TMEM116: variants seen among roughly 807,000 people sequenced by gnomAD.
TMEM116 encodes transmembrane protein 116.
Under a neutral mutation model 44.3 loss-of-function variants are expected in TMEM116, and 38 were observed. The observed-to-expected ratio is 0.86, with a 90% CI of 0.66 to 1.12. TMEM116 has a LOEUF of 1.12. Among genes scored for constraint, TMEM116 ranks in the 50% most tolerant of loss-of-function variants. TMEM116 has a pLI of 0.00. For missense variants in TMEM116, 354 were observed against 401.7 expected (o/e 0.88, Z 1.01); for synonymous variants, 132 against 144.8 (o/e 0.91, Z 0.64).
intron 4 of TMEM116, chr12:111,978,856 A>T: frequency 2.6e-6 from 1 of 390,428 alleles, no homozygotes; most frequent in Non-Finnish European, 5.2e-6. Context: ...TGCCTGAACT[A>T]AGACACCATG....
intron 4 of TMEM116, among the ~76,000 whole-genome samples, chr12:111,971,760 C>T (rs116184964): frequency 1.0e-3 from 157 of 152,078 alleles, no homozygotes; most frequent in African/African-American, 3.7e-3. Flanking sequence ...GTACTTTATA[C>T]ATAAAACACA....
intron 4 of TMEM116, among the ~76,000 whole-genome samples, chr12:111,951,940 G>A (rs535094088): frequency 1.0e-3 from 154 of 151,872 alleles, no homozygotes; most frequent in African/African-American, 3.4e-3. Context: ...GGCTGGGCAC[G>A]GTGGCTTGGC....
chr12:112,002,730 T>C (rs769067443), intron 3 of TMEM116, among the ~76,000 whole-genome samples: 1 of 152,168 alleles, frequency 6.6e-6, no homozygotes. Flanking sequence ...TGAGATAAAG[T>C]ATGTAAAGCA....
chr12:111,957,612 G>A (rs1197755797), intron 4 of TMEM116, among the ~76,000 whole-genome samples: 9 of 151,164 alleles, frequency 6.0e-5, no homozygotes, highest in South Asian at 2.1e-4. Flanking sequence ...CGCCCCGTCC[G>A]GGAGGTGGGG....
intron 4 of TMEM116, among the ~76,000 whole-genome samples, chr12:111,969,649 C>T (rs1315110970): frequency 6.6e-6 from 1 of 152,122 alleles, no homozygotes; most frequent in Non-Finnish European, 1.5e-5. Flanking sequence ...GCTATCTTGG[C>T]TCACTGCAAG....
At chr12:112,003,912 C>T (rs1000969935) in intron 2 of TMEM116, 49 bp from the exon 3 acceptor site, 14 of 1,422,900 alleles carry the variant, frequency 9.8e-6, no homozygotes, top group Middle Eastern at 3.6e-4. Context: ...CAATGGAGTG[C>T]CATCGTTTTT....
chr12:111,951,855 C>T lies in TMEM116; in HGVS notation c.211-8486G>A, dbSNP rs371458802. 2.6e-4 allele frequency among the ~76,000 whole-genome samples: 39 copies of T among 152,176 alleles called. 1 individual carries two copies. The South Asian group carries it at 7.3e-3, about 28-fold the overall frequency. ...AAGGAAAAAAAAATCATTTAGCCTA[C>T]CTAGTAGGTGATGTTAGCAACATCC... On this transcript the variant is annotated intron_variant, in intron 4 of 10. Coordinates refer to ENST00000552374, the MANE Select transcript of TMEM116 (RefSeq NM_001193531.2).
At chr12:111,969,007 A>AAAAAAAG (rs1565916206) in intron 4 of TMEM116, among the ~76,000 whole-genome samples, 2 of 150,510 alleles carry the variant, frequency 1.3e-5, no homozygotes, top group Admixed American at 6.6e-5. Flanking sequence ...AAAAAAAAAA[A>AAAAAAAG]AAAAAAGAAA....
At chr12:111,993,908 T>C in intron 3 of TMEM116, 1 of 715,482 alleles carries the variant, frequency 1.4e-6, no homozygotes, top group Non-Finnish European at 2.7e-6. Context: ...TTTAAAGGTG[T>C]ATGGAAGGGA....
chr12:111,972,096 A>AAAAC (rs3030020), intron 4 of TMEM116, among the ~76,000 whole-genome samples: 90 of 147,916 alleles, frequency 6.1e-4, no homozygotes, highest in African/African-American at 2.2e-3. Context: ...AAAAAAAAAA[A>AAAAC]CCCACCAAAA....
intron 4 of TMEM116, among the ~76,000 whole-genome samples, chr12:111,987,643 T>C (rs1399522895): frequency 6.6e-6 from 1 of 152,010 alleles, no homozygotes; most frequent in Non-Finnish European, 1.5e-5. Context: ...CACAATGAGA[T>C]ACCACTTTAT....
At chr12:111,989,015 AAAAAC>A (rs2076394141) in intron 4 of TMEM116, among the ~76,000 whole-genome samples, 1 of 152,150 alleles carries the variant, frequency 6.6e-6, no homozygotes, top group Non-Finnish European at 1.5e-5. Flanking sequence ...AAACAAAAAC[AAAAAC>A]AAAAACAAAA....
Position 111,931,538 on chromosome 12 carries a change from AT to A in TMEM116, c.*82del. The stretch of plus-strand genomic sequence containing the variant: ...GCAGTTTAGGGCATAGTTAGAAAAG[AT>A]TTAAGATGTCCTTTCCCAACATTCT... On this transcript the variant is annotated 3_prime_UTR_variant, in exon 11 of 11. Transcript: ENST00000552374. 1 of 1,378,268 alleles carries A rather than the reference AT, an allele frequency of 7.3e-7. No individual in the cohort carries two copies. The highest frequency in any genetic ancestry group is 1.0e-6 in the Non-Finnish European group (1 of 977,230). 85.4% of individuals were successfully genotyped at this position (1,378,268 alleles called of 1,614,324 possible).
chr12:111,999,856 G>A (rs919049592), intron 3 of TMEM116, among the ~76,000 whole-genome samples: 2 of 152,130 alleles, frequency 1.3e-5, no homozygotes, highest in Non-Finnish European at 2.9e-5. Flanking sequence ...ACCAAGAAAT[G>A]GAACTGTAAA....
At chr12:111,988,554 C>T (rs1263599921) in intron 4 of TMEM116, among the ~76,000 whole-genome samples, 2 of 151,222 alleles carry the variant, frequency 1.3e-5, no homozygotes, top group Non-Finnish European at 2.9e-5. Flanking sequence ...AAAAAATTAG[C>T]CGGGCATAGT....
rs1294353328 is a variant in TMEM116 at position 111,936,846 on chromosome 12, A to T, written c.450-16T>A. The T allele has an allele frequency of 1.9e-6, 3 of 1,579,588 alleles. No individual in the cohort carries two copies. In the South Asian group the frequency reaches 3.6e-5, roughly 19 times the overall value. Reference sequence around the variant, plus strand: ...CAAGATACACCTAGGAAGAAAATCAATAAACAGGAGTACTACTACAGATGT... The same window carrying T: ...CAAGATACACCTAGGAAGAAAATCATTAAACAGGAGTACTACTACAGATGT... On this transcript the variant is annotated splice_polypyrimidine_tract_variant and intron_variant, in intron 7 of 10. Coordinates refer to ENST00000552374, the MANE Select transcript of TMEM116 (RefSeq NM_001193531.2).
intron 4 of TMEM116, among the ~76,000 whole-genome samples, chr12:111,955,725 A>T (rs906701812): frequency 6.6e-6 from 1 of 152,226 alleles, no homozygotes; most frequent in Non-Finnish European, 1.5e-5. Context: ...CAGACCGCAT[A>T]TAAGACAGTG....
intron 3 of TMEM116, chr12:111,993,536 A>C: frequency 1.8e-6 from 1 of 546,568 alleles, no homozygotes. Context: ...GAAGCTGCTA[A>C]GGTTCAAATT....
chr12:111,961,759 C>T (rs1210722708), intron 4 of TMEM116, among the ~76,000 whole-genome samples: 2 of 147,752 alleles, frequency 1.4e-5, no homozygotes, highest in Non-Finnish European at 3.0e-5. Flanking sequence ...AAAACTGGCA[C>T]AAGACAAGGA....
Sources: allele counts gnomAD v4.1 joint callset (sites outside exome capture counted in the v4.1 genomes callset), GRCh38; gene constraint gnomAD v4.1.1; transcripts MANE v1.5; gene names NCBI Gene and HGNC (gene_info 2026-07-23, HGNC 2026-07-21).